Variants in LOXL1 observed in about 807,000 individuals in gnomAD.
The protein encoded by LOXL1 is lysyl oxidase homolog 1.
LOXL1 carries 31 observed loss-of-function variants against 62.2 expected under a neutral mutation model. The ratio of observed to expected loss-of-function variants is 0.50; its 90% confidence interval spans 0.37 to 0.67. The LOEUF (loss-of-function observed/expected upper bound fraction) is 0.67. Ranked by LOEUF, LOXL1 falls within the 30% of genes least tolerant of loss-of-function variation. LOXL1 has a pLI of 0.00. For missense variants in LOXL1, 775 were observed against 843.4 expected (o/e 0.92, Z 1.00); for synonymous variants, 403 against 384.4 (o/e 1.05, Z -0.56).
intron 1 of LOXL1, among the ~76,000 whole-genome samples, chr15:73,939,941 A>T (rs558320454): frequency 6.6e-6 from 1 of 152,200 alleles, no homozygotes; most frequent in African/African-American, 2.4e-5. Flanking sequence ...GGGGCAGGAC[A>T]TGGAAAACAC....
intron 1 of LOXL1, among the ~76,000 whole-genome samples, chr15:73,937,745 A>G (rs1278463273): frequency 2.0e-5 from 3 of 152,256 alleles, no homozygotes; most frequent in Non-Finnish European, 4.4e-5. Flanking sequence ...TCCTGGGAGC[A>G]AGAAATTGAT....
At chr15:73,932,031 A>C (rs542462743) in intron 1 of LOXL1, among the ~76,000 whole-genome samples, 1 of 152,302 alleles carries the variant, frequency 6.6e-6, no homozygotes, top group South Asian at 2.1e-4. Flanking sequence ...GAGGTGGCAC[A>C]GAAGGGTACA....
Position 73,926,831 on chromosome 15 carries a change from C to A in LOXL1, c.48C>A (p.Gly16=). ...GSRQLGALVW[G]ACLCVLVHGQ... is the part of the protein sequence containing the mutation. ...GGCAGCTGGGGGCCCTGGTGTGGGG[C>A]GCCTGCCTGTGCGTGCTGGTGCACG... is the stretch of plus-strand genomic sequence containing the variant. The change falls in exon 1 of 7, where the codon GGC becomes GGA. Residue 16 remains glycine, a synonymous_variant. Coordinates refer to ENST00000261921, the MANE Select transcript of LOXL1 (RefSeq NM_005576.4). The A allele has an allele frequency of 1.3e-6, 2 of 1,529,286 alleles. No individual in the cohort carries two copies. The highest frequency in any genetic ancestry group is 8.8e-7 in the Non-Finnish European group (1 of 1,136,648). 94.7% of individuals were successfully genotyped at this position (1,529,286 alleles called of 1,614,324 possible).
At position 73,946,479 on chromosome 15, in the gene LOXL1, G is replaced by A. The variant is rs759897628; in HGVS notation, c.1274G>A (p.Arg425His). 1.8e-5 allele frequency: 29 copies of A among 1,610,974 alleles called. No homozygotes were observed. Among genetic ancestry groups the A allele is most frequent in the Middle Eastern group, 1.6e-4 (1 of 6,080 alleles). ...CGGGTGCTACTGCGCTTCCCCCAGCGCGTGAAGAACCAGGGCACAGCAGAC... is the reference window on the plus strand; with the variant it reads ...CGGGTGCTACTGCGCTTCCCCCAGCACGTGAAGAACCAGGGCACAGCAGAC... ...DVRVLLRFPQRVKNQGTADFL... is the reference protein window; with the variant it reads ...DVRVLLRFPQHVKNQGTADFL... Residue 425 changes from arginine (R) to histidine (H), a missense_variant, in exon 3 of 7, where the codon CGC becomes CAC. Coordinates refer to ENST00000261921, the MANE Select transcript of LOXL1 (RefSeq NM_005576.4).
chr15:73,944,703 G>C (rs554338867), intron 2 of LOXL1, among the ~76,000 whole-genome samples: 2 of 152,354 alleles, frequency 1.3e-5, no homozygotes, highest in African/African-American at 4.8e-5. Flanking sequence ...CCAGTTTGTG[G>C]CCAAGCTGGG....
chr15:73,937,987 G>C (rs1394316290), intron 1 of LOXL1, among the ~76,000 whole-genome samples: 1 of 152,192 alleles, frequency 6.6e-6, no homozygotes, highest in African/African-American at 2.4e-5. Context: ...GTGACCTGGA[G>C]GTCTAAAACA....
intron 1 of LOXL1, 49 bp from the exon 2 acceptor site, chr15:73,942,805 A>G (rs1290967736): frequency 8.5e-7 from 1 of 1,174,656 alleles, no homozygotes; most frequent in African/African-American, 1.5e-5. Flanking sequence ...GATGCTCTCA[A>G]TGTCATGCTC....
At chr15:73,951,008 A>G (rs759672571) in intron 6 of LOXL1, among the ~76,000 whole-genome samples, 14 of 152,226 alleles carry the variant, frequency 9.2e-5, no homozygotes, top group Admixed American at 6.5e-5. Flanking sequence ...GGTTTCCAGC[A>G]CATTCCTGCT....
At chr15:73,944,107 G>A (rs948637495) in intron 2 of LOXL1, among the ~76,000 whole-genome samples, 1 of 152,220 alleles carries the variant, frequency 6.6e-6, no homozygotes, top group Non-Finnish European at 1.5e-5. Context: ...ACTGCCCCTG[G>A]TCCAGGGACC....
At chr15:73,949,307 C>G (rs1364778951) in intron 5 of LOXL1, 152 bp from the exon 6 acceptor site, 2 of 659,824 alleles carry the variant, frequency 3.0e-6, no homozygotes. Flanking sequence ...CTTCTTTCCC[C>G]TCTGTGTCTC....
At chr15:73,941,985 G>A (rs534135967) in intron 1 of LOXL1, 33 of 270,648 alleles carry the variant, frequency 1.2e-4, no homozygotes, top group African/African-American at 3.4e-4. Flanking sequence ...CCACAAGGAC[G>A]GGGGCAGTCT....
chr15:73,951,999 C>T lies in LOXL1; in HGVS notation c.*162C>T, dbSNP rs960803153. The T allele has an allele frequency of 5.2e-5, 24 of 464,700 alleles. 1 individual carries two copies. Among genetic ancestry groups the T allele is most frequent in the Admixed American group, 2.1e-4 (5 of 23,494 alleles). The allele number at this position is 464,700 out of a possible 1,614,324, so 28.8% of individuals were successfully genotyped here. On this transcript the variant is annotated 3_prime_UTR_variant, in exon 7 of 7. Transcript: ENST00000261921. ...ACGTGGATGAAAACCACAGGGATTCCGGACGCCAGACCCCATTTTATACTT... is the reference window on the plus strand; with the variant it reads ...ACGTGGATGAAAACCACAGGGATTCTGGACGCCAGACCCCATTTTATACTT...
chr15:73,937,693 G>T (rs1421249200), intron 1 of LOXL1, among the ~76,000 whole-genome samples: 2 of 152,234 alleles, frequency 1.3e-5, no homozygotes, highest in Non-Finnish European at 2.9e-5. Context: ...CACACAGAAG[G>T]CCTATGACAC....
At chr15:73,934,988 T>C (rs1190120028) in intron 1 of LOXL1, among the ~76,000 whole-genome samples, 1 of 152,098 alleles carries the variant, frequency 6.6e-6, no homozygotes, top group Admixed American at 6.5e-5. Context: ...GGTTTTCAGG[T>C]GTGCTCCAGT....
chr15:73,927,736 C>A lies in LOXL1; in HGVS notation c.953C>A (p.Pro318His). ...TACCCGCCCTACGCCAACCCGCCGC[C>A]CGAGGCGTACGGGCCGCCGCGCGCG... is the stretch of plus-strand genomic sequence containing the variant. ...GWYPPYANPP[P>H]EAYGPPRALE... The change falls in exon 1 of 7, where the codon CCC (proline) becomes CAC (histidine). Residue 318 changes from proline to histidine, a missense_variant. By Grantham distance (77) the Pro-to-His change is moderately conservative. Transcript: ENST00000261921. The A allele has an allele frequency of 1.4e-6, 2 of 1,461,014 alleles. No homozygotes were observed. Among genetic ancestry groups the A allele is most frequent in the Non-Finnish European group, 1.8e-6 (2 of 1,113,090 alleles). 90.5% of individuals were successfully genotyped at this position (1,461,014 alleles called of 1,614,324 possible). A position where few individuals can be genotyped will look rare whatever the true frequency, so the allele number is the denominator to read the frequency against.
At chr15:73,947,545 C>G in intron 4 of LOXL1, 1 of 499,016 alleles carries the variant, frequency 2.0e-6, no homozygotes, top group Non-Finnish European at 3.5e-6. Context: ...TAAATATCCA[C>G]AAACTGTCCA....
Position 73,926,740 on chromosome 15 carries a change from C to T in LOXL1, c.-44C>T. 7.4e-7 allele frequency: 1 copy of T among 1,353,936 alleles called. No individual in the cohort carries two copies. The highest frequency in any genetic ancestry group is 9.6e-7 in the Non-Finnish European group (1 of 1,046,366). 83.9% of individuals were successfully genotyped at this position (1,353,936 alleles called of 1,614,324 possible). On this transcript the variant is annotated 5_prime_UTR_variant, in exon 1 of 7. Transcript: ENST00000261921. ...AGAGAAGCACGCCCAGGGGGCCACT[C>T]CTGAGAGCCTCTCTGTCCACCAGGC...
At chr15:73,941,978 CA>C in intron 1 of LOXL1, 1 of 284,120 alleles carries the variant, frequency 3.5e-6, no homozygotes, top group Admixed American at 3.4e-5. Flanking sequence ...CAAGGGACCA[CA>C]AGGACGGGGG....
chr15:73,951,558 C>T (rs1009190322), intron 6 of LOXL1, among the ~76,000 whole-genome samples: 6 of 151,900 alleles, frequency 3.9e-5, no homozygotes, highest in Non-Finnish European at 5.9e-5. Flanking sequence ...TATTTCCAGA[C>T]AGTAGCAGCT....
Sources: gnomAD v4.1 joint callset for allele counts (sites outside exome capture counted in the v4.1 genomes callset) on GRCh38, gnomAD v4.1.1 for gene constraint, MANE v1.5 for transcripts, NCBI Gene and HGNC (gene_info 2026-07-23, HGNC 2026-07-21) for gene names.